SLC9A5: variants seen among roughly 807,000 people sequenced by gnomAD.
SLC9A5 encodes the protein solute carrier family 9 member A5.
A neutral mutation model predicts 91.7 loss-of-function variants in SLC9A5; 52 were observed. The ratio of observed to expected loss-of-function variants is 0.57; its 90% CI spans 0.45 to 0.71. The LOEUF is 0.71. SLC9A5 is among the 30% of genes least tolerant of loss of function. The probability of loss-of-function intolerance (pLI) is 0.00; values close to 1 mark genes in which losing one functional copy is unlikely to be tolerated. For synonymous variants in SLC9A5, 419 were observed against 474.5 expected, an observed-to-expected ratio of 0.88 and a Z score of 1.52; for missense variants, 871 against 1,158.9, an observed-to-expected ratio of 0.75 and a Z score of 3.61.
At chr16:67,253,670 A>G (rs1267311708) in intron 2 of SLC9A5, among the ~76,000 whole-genome samples, 1 of 152,120 alleles carries the variant, frequency 6.6e-6, no homozygotes, top group African/African-American at 2.4e-5. Flanking sequence ...TTACAAGCAC[A>G]TGTCACTATG....
chr16:67,252,901 C>T lies in SLC9A5; in HGVS notation c.490+57C>T, dbSNP rs543775464. The T allele has an allele frequency of 1.4e-6, 2 of 1,479,974 alleles. No individual in the cohort carries two copies. Among genetic ancestry groups the T allele is most frequent in the South Asian group, 1.3e-5 (1 of 78,798 alleles). 91.7% of individuals were successfully genotyped at this position (1,479,974 alleles called of 1,614,324 possible). A position where few individuals can be genotyped will look rare whatever the true frequency, so the allele number is the denominator to read the frequency against. On this transcript the variant is annotated intron_variant, in intron 2 of 15. Transcript: ENST00000299798. The surrounding 1 kb of genome is among the most constrained non-coding windows in gnomAD (Gnocchi z 4.0). The stretch of plus-strand genomic sequence containing the variant: ...ACCCATCACCCCTCTCCCTTCTCCT[C>T]AAGCTCTGGAGGCCCATGCTGGTGT...
intron 15 of SLC9A5, among the ~76,000 whole-genome samples, chr16:67,269,210 G>A (rs1323958201): frequency 1.3e-5 from 2 of 152,034 alleles, no homozygotes; most frequent in Non-Finnish European, 2.9e-5. Context: ...GATCACCTGA[G>A]GTCAGGAGTT....
Position 67,258,361 on chromosome 16 carries a change from C to T in SLC9A5, c.1540C>T (p.Arg514Ter), listed in dbSNP as rs947360399. 10 of 1,613,864 alleles carry T rather than the reference C, an allele frequency of 6.2e-6. No homozygotes were observed. The highest frequency in any genetic ancestry group is 1.3e-5 in the African/African-American group (1 of 74,908). ...GAAATACCTGAGTCAGCTGCTGATG[C>T]GACGATCAGCCTACCGCATCCGGGA... The part of the protein sequence containing the change: ...DKKYLSQLLM[R>*]RSAYRIRDQI... The change falls in exon 10 of 16, where the codon CGA becomes TGA. Residue 514 changes from arginine (R) to a stop codon, truncating the protein, a stop_gained. Transcript: ENST00000299798. LOFTEE classifies it high-confidence loss of function. The surrounding 1 kb of genome is among the most constrained non-coding windows in gnomAD (Gnocchi z 4.5).
intron 12 of SLC9A5, chr16:67,261,477 C>T (rs535655280): frequency 1.2e-4 from 19 of 152,362 alleles, no homozygotes; most frequent in African/African-American, 4.1e-4. Context: ...ATCCCTCCCA[C>T]ACTTTATCTT....
rs546727203 is a variant in SLC9A5, at chr16:67,258,186, G to T, written c.1497-132G>T. On this transcript the variant is annotated intron_variant, in intron 9 of 15. Coordinates refer to ENST00000299798, the MANE Select transcript of SLC9A5 (RefSeq NM_004594.3). The surrounding 1 kb of genome is among the most constrained non-coding windows in gnomAD (Gnocchi z 4.5). ...CCATGAGGGCAGGGACTAGCCTTGA[G>T]ATTCTCTCTGGCTGAGGCCCATATC... The T allele has an allele frequency of 8.5e-6, 7 of 820,512 alleles. No homozygotes were observed. In the African/African-American group the frequency reaches 1.2e-4, roughly 14 times the overall value. The allele number at this position is 820,512 out of a possible 1,614,324, so 50.8% of individuals were successfully genotyped here.
At position 67,257,675 on chromosome 16, in the gene SLC9A5, A is replaced by T; in HGVS notation, c.1496+74A>T. On this transcript the variant is annotated intron_variant, in intron 9 of 15. Coordinates refer to ENST00000299798, the MANE Select transcript of SLC9A5 (RefSeq NM_004594.3). The surrounding 1 kb of genome is among the most constrained non-coding windows in gnomAD (Gnocchi z 5.1). ...CAGGGAAGCATGGGGGATGTGCCACACTTCTGAGAAGGGACAGAGCCAGGT... is the reference window on the plus strand; with the variant it reads ...CAGGGAAGCATGGGGGATGTGCCACTCTTCTGAGAAGGGACAGAGCCAGGT... 6.7e-7 allele frequency: 1 copy of T among 1,492,006 alleles called. No individual in the cohort carries two copies. Among genetic ancestry groups the T allele is most frequent in the Non-Finnish European group, 9.3e-7 (1 of 1,071,614 alleles). 92.4% of individuals were successfully genotyped at this position (1,492,006 alleles called of 1,614,324 possible).
chr16:67,254,933 G>C (rs1409216882), intron 2 of SLC9A5, 88 bp from the exon 3 acceptor site: 22 of 1,319,242 alleles, frequency 1.7e-5, no homozygotes, highest in Non-Finnish European at 2.2e-5. Flanking sequence ...TTATCAGCAG[G>C]GGTGGGGCCT....
At chr16:67,259,468 A>C (rs2035446512) in intron 10 of SLC9A5, 105 bp from the exon 11 acceptor site, 2 of 806,806 alleles carry the variant, frequency 2.5e-6, no homozygotes, top group Non-Finnish European at 4.2e-6. Flanking sequence ...CTGGCATGTC[A>C]AAAGAGTAAA....
chr16:67,257,002 G>C lies in SLC9A5; in HGVS notation c.1224G>C (p.Arg408=), dbSNP rs1198454858. The change falls in exon 7 of 16, where the codon CGG becomes CGC. Residue 408 remains arginine, a synonymous_variant. Coordinates refer to ENST00000299798, the MANE Select transcript of SLC9A5 (RefSeq NM_004594.3). The surrounding 1 kb of genome is among the most constrained non-coding windows in gnomAD (Gnocchi z 5.1). ...DQVVMSYGGL[R]GAVAFALVIL... ...TGGTGATGTCCTATGGGGGCCTGCG[G>C]GGGGCTGTGGCCTTTGCTCTCGTCA... The C allele has an allele frequency of 6.2e-7, 1 of 1,614,096 alleles. No homozygotes were observed. The highest frequency in any genetic ancestry group is 2.2e-5 in the East Asian group (1 of 44,876).
rs376368699 is a variant in SLC9A5 at position 67,270,850 on chromosome 16, G to A, written c.2331G>A (p.Ser777=). ...GGGACCTGGCAGTGTACGTGTCCTC[G>A]GAAACCACCAAGATTGTGCCTGTGG... ...GQGDLAVYVS[S]ETTKIVPVDM... The change falls in exon 16 of 16, where the codon TCG becomes TCA. Residue 777 remains serine (S), a synonymous_variant. Coordinates refer to ENST00000299798, the MANE Select transcript of SLC9A5 (RefSeq NM_004594.3). This position sits in a 1 kb window ranked among gnomAD's most constrained non-coding sequence, Gnocchi z 4.3. 30 of 1,614,020 alleles carry A rather than the reference G, an allele frequency of 1.9e-5. No homozygotes were observed. Among genetic ancestry groups the A allele is most frequent in the East Asian group, 2.2e-5 (1 of 44,866 alleles).
At chr16:67,266,307 A>C in intron 15 of SLC9A5, 82 bp downstream of exon 15, 1 of 1,357,572 alleles carries the variant, frequency 7.4e-7, no homozygotes, top group Non-Finnish European at 9.9e-7. Context: ...ACTCCAGACA[A>C]CTCCCTTTTC....
Position 67,249,054 on chromosome 16 carries a change from G to T in SLC9A5, c.40G>T (p.Ala14Ser), listed in dbSNP as rs796495451. ...CCTGTCCCTGCTCGCGCTGCCCCTG[G>T]CGGGGGCGGCCGAAGAGCCCACCCA... ...AALSLLALPL[A>S]GAAEEPTQKP... The change falls in exon 1 of 16, where the codon GCG becomes TCG. Residue 14 changes from alanine to serine, a missense_variant. Physicochemically the swap from Ala to Ser is moderately conservative, Grantham distance 99. Coordinates refer to ENST00000299798, the MANE Select transcript of SLC9A5 (RefSeq NM_004594.3). 5 of 1,507,674 alleles carry T rather than the reference G, an allele frequency of 3.3e-6. No individual in the cohort carries two copies. The highest frequency in any genetic ancestry group is 4.4e-6 in the Non-Finnish European group (5 of 1,134,620). The allele number at this position is 1,507,674 out of a possible 1,614,324, so 93.4% of individuals were successfully genotyped here. A position where few individuals can be genotyped will look rare whatever the true frequency, so the allele number is the denominator to read the frequency against.
At chr16:67,267,204 C>A (rs7200971) in intron 15 of SLC9A5, among the ~76,000 whole-genome samples, 2 of 150,898 alleles carry the variant, frequency 1.3e-5, no homozygotes, top group Non-Finnish European at 3.0e-5. Context: ...CTTCTGCCTC[C>A]GCCTCCCGAG....
intron 2 of SLC9A5, among the ~76,000 whole-genome samples, chr16:67,253,929 C>T (rs764548476): frequency 6.6e-6 from 1 of 152,216 alleles, no homozygotes; most frequent in African/African-American, 2.4e-5. Flanking sequence ...TAATGATTCA[C>T]ACTTTTTCCA....
At position 67,256,039 on chromosome 16, in the gene SLC9A5, C is replaced by G; in HGVS notation, c.911+109C>G. The G allele has an allele frequency of 8.2e-7, 1 of 1,226,124 alleles. No homozygotes were observed. The highest frequency in any genetic ancestry group is 1.4e-5 in the South Asian group (1 of 69,910). 76.0% of individuals were successfully genotyped at this position (1,226,124 alleles called of 1,614,324 possible). Reference sequence around the variant, plus strand: ...TCAGGAGTCCATAGGTTTCCCTGAGCCCTTGTGGTAGTGGGAGCCTCAGAC... The same window carrying G: ...TCAGGAGTCCATAGGTTTCCCTGAGGCCTTGTGGTAGTGGGAGCCTCAGAC... On this transcript the variant is annotated intron_variant, in intron 5 of 15. Transcript: ENST00000299798. This position sits in a 1 kb window ranked among gnomAD's most constrained non-coding sequence, Gnocchi z 4.1.
At chr16:67,262,858 T>A (rs546449947) in intron 12 of SLC9A5, 1 of 154,442 alleles carries the variant, frequency 6.5e-6, no homozygotes, top group East Asian at 1.9e-4. Flanking sequence ...GGCCAGCACC[T>A]AGGCAGAGCC....
chr16:67,268,076 A>G (rs532212467), intron 15 of SLC9A5, among the ~76,000 whole-genome samples: 4 of 151,884 alleles, frequency 2.6e-5, no homozygotes, highest in African/African-American at 7.3e-5. Context: ...CAGTGGTGCG[A>G]TCATAGCTCA....
In SLC9A5 at chr16:67,251,018, T is replaced by G. The variant is rs528005130; in HGVS notation, c.188-1524T>G. 3.9e-5 allele frequency among the ~76,000 whole-genome samples: 6 copies of G among 152,384 alleles called. No individual in the cohort carries two copies. The East Asian group carries it at 1.2e-3, about 29-fold the overall frequency. On this transcript the variant is annotated intron_variant, in intron 1 of 15. Coordinates refer to ENST00000299798, the MANE Select transcript of SLC9A5 (RefSeq NM_004594.3). ...ATTAACATTTGGTGTGTGTCTAACA[T>G]ACTATGTGTCTGACATTATGCTAGG...
chr16:67,250,589 G>C (rs183467401), intron 1 of SLC9A5, among the ~76,000 whole-genome samples: 3 of 152,312 alleles, frequency 2.0e-5, no homozygotes, highest in East Asian at 3.9e-4. Context: ...ATTTCCTATG[G>C]AAGTAAGAGA....
Sources: allele counts gnomAD v4.1 joint callset (sites outside exome capture counted in the v4.1 genomes callset), GRCh38; gene constraint gnomAD v4.1.1; non-coding constraint Gnocchi (gnomAD v3.1); transcripts MANE v1.5; gene names NCBI Gene and HGNC (gene_info 2026-07-23, HGNC 2026-07-21).